The following MEOX2 variants were observed in gnomAD, a reference collection of about 807,000 sequenced individuals.
The protein encoded by MEOX2 is homeobox protein MOX-2.
A neutral mutation model predicts 27.0 loss-of-function variants in MEOX2; 11 were observed. The ratio of observed to expected loss-of-function variants is 0.41; its 90% CI spans 0.26 to 0.68. The LOEUF is 0.68. Among genes scored for constraint, MEOX2 ranks in the 30% least tolerant of loss-of-function variants. The pLI is 0.33. For missense variants in MEOX2, 436 were observed against 385.4 expected (o/e 1.13, Z -1.10); for synonymous variants, 189 against 155.4 (o/e 1.22, Z -1.61).
intron 2 of MEOX2, among the ~76,000 whole-genome samples, chr7:15,618,631 G>C (rs1781163278): frequency 6.6e-6 from 1 of 151,816 alleles, no homozygotes; most frequent in Admixed American, 6.6e-5. Flanking sequence ...TATAAGAAGA[G>C]TAGAATACTG....
intron 1 of MEOX2, among the ~76,000 whole-genome samples, chr7:15,638,195 C>T (rs1781513124): frequency 6.6e-6 from 1 of 152,004 alleles, no homozygotes. Flanking sequence ...AAGCAATCAG[C>T]AAGAGTTGTG....
At chr7:15,631,413 A>T (rs1207408017) in intron 1 of MEOX2, among the ~76,000 whole-genome samples, 1 of 151,912 alleles carries the variant, frequency 6.6e-6, no homozygotes, top group Non-Finnish European at 1.5e-5. Flanking sequence ...ATTATTTTTT[A>T]TTATATTTAT....
intron 1 of MEOX2, among the ~76,000 whole-genome samples, chr7:15,643,552 C>A (rs922273667): frequency 6.6e-6 from 1 of 152,142 alleles, no homozygotes; most frequent in Non-Finnish European, 1.5e-5. Flanking sequence ...CCAGGGGAGT[C>A]TTCCTCCCAT....
chr7:15,657,051 T>C (rs917437), intron 1 of MEOX2, among the ~76,000 whole-genome samples: 122,722 of 152,058 alleles, frequency 0.81, 50,018 homozygotes, highest in African/African-American at 0.91. Context: ...AATGTGAAAT[T>C]TACTATCATT....
chr7:15,659,060 C>T (rs1052728810), intron 1 of MEOX2, among the ~76,000 whole-genome samples: 3 of 152,084 alleles, frequency 2.0e-5, no homozygotes, highest in African/African-American at 7.2e-5. Flanking sequence ...AGTGCAGTGG[C>T]ATGATTATGG....
chr7:15,632,138 C>G (rs1781414758), intron 1 of MEOX2, among the ~76,000 whole-genome samples: 1 of 151,616 alleles, frequency 6.6e-6, no homozygotes, highest in African/African-American at 2.4e-5. Flanking sequence ...ATTTCCTTGG[C>G]ATTGCATTGC....
chr7:15,614,478 A>T (rs1436311161), intron 2 of MEOX2, among the ~76,000 whole-genome samples: 1 of 152,080 alleles, frequency 6.6e-6, no homozygotes. Flanking sequence ...TGATTTTAGT[A>T]TATAGTCTGA....
chr7:15,621,045 A>C (rs1781215841), intron 2 of MEOX2, among the ~76,000 whole-genome samples: 1 of 152,306 alleles, frequency 6.6e-6, no homozygotes, highest in Admixed American at 6.5e-5. Context: ...GTTTTCTCCA[A>C]GTTTATCTGG....
chr7:15,613,282 C>T (rs186026286), intron 2 of MEOX2, among the ~76,000 whole-genome samples: 39 of 151,990 alleles, frequency 2.6e-4, no homozygotes, highest in Admixed American at 2.4e-3. Flanking sequence ...AGATTATATA[C>T]TACATCATTC....
intron 1 of MEOX2, among the ~76,000 whole-genome samples, chr7:15,627,395 G>A (rs552118968): frequency 3.3e-4 from 50 of 152,036 alleles, no homozygotes; most frequent in Non-Finnish European, 5.4e-4. Flanking sequence ...CAGACTGAGC[G>A]TATGTAAAAG....
rs182542603 is a variant in MEOX2 at position 15,682,131 on chromosome 7, G to A, written c.517+3755C>T. On this transcript the variant is annotated intron_variant, in intron 1 of 2. Transcript: ENST00000262041. The stretch of plus-strand genomic sequence containing the variant: ...GTCTACCAGTCCAAGATAAAGAATG[G>A]AAGTTTTTTTTTGTACTCCATTTGA... Among the ~76,000 whole-genome samples the A allele has an allele frequency of 3.4e-3, 519 of 150,956 alleles. 1 individual carries two copies. Among genetic ancestry groups the A allele is most frequent in the African/African-American group, 0.012 (469 of 40,674 alleles).
At chr7:15,642,070 C>T (rs1180209863) in intron 1 of MEOX2, among the ~76,000 whole-genome samples, 1 of 152,050 alleles carries the variant, frequency 6.6e-6, no homozygotes, top group East Asian at 1.9e-4. Flanking sequence ...CATTGGATAG[C>T]CTGAAGACTA....
At chr7:15,664,631 G>A (rs1025851199) in intron 1 of MEOX2, among the ~76,000 whole-genome samples, 19 of 152,070 alleles carry the variant, frequency 1.2e-4, no homozygotes. Context: ...ATACTTCAGG[G>A]CTAATTCATT....
At chr7:15,638,022 T>C (rs773105769) in intron 1 of MEOX2, among the ~76,000 whole-genome samples, 2 of 152,110 alleles carry the variant, frequency 1.3e-5, no homozygotes, top group Non-Finnish European at 2.9e-5. Context: ...AGTTTACATA[T>C]TTCATTTGAA....
chr7:15,675,495 A>T (rs975080715), intron 1 of MEOX2, among the ~76,000 whole-genome samples: 22 of 152,188 alleles, frequency 1.4e-4, no homozygotes, highest in Admixed American at 1.2e-3. Context: ...AGGCTTCAAA[A>T]TATTTTACGA....
intron 1 of MEOX2, among the ~76,000 whole-genome samples, chr7:15,650,786 T>C (rs1781721855): frequency 6.6e-6 from 1 of 151,816 alleles, no homozygotes; most frequent in Non-Finnish European, 1.5e-5. Flanking sequence ...AATGAAAGAG[T>C]TGCTATTAGC....
At chr7:15,630,709 C>T (rs955712909) in intron 1 of MEOX2, among the ~76,000 whole-genome samples, 3 of 151,920 alleles carry the variant, frequency 2.0e-5, no homozygotes, top group Non-Finnish European at 4.4e-5. Context: ...ACTGCACAAA[C>T]CCATAGTTAT....
rs1168791518 is a variant in MEOX2 at position 15,612,541 on chromosome 7, G to A, written c.761C>T (p.Ala254Val). 1.9e-6 allele frequency: 3 copies of A among 1,614,012 alleles called. No individual in the cohort carries two copies. The Admixed American group carries it at 5.0e-5, about 27-fold the overall frequency. Residue 254 changes from alanine to valine, a missense_variant, in exon 3 of 3, where the codon GCT becomes GTT. Physicochemically the swap from Ala to Val is moderately conservative, Grantham distance 64 (BLOSUM62 0). Transcript: ENST00000262041. ...RVKGGQQGAA[A>V]REKELVNVKK... ...CACATTCACCAGTTCCTTTTCCCGA[G>A]CCGCAGCTCCTTGCTGTCCACCCTT...
intron 1 of MEOX2, among the ~76,000 whole-genome samples, chr7:15,652,290 A>G (rs977260977): frequency 3.9e-5 from 6 of 152,098 alleles, no homozygotes; most frequent in African/African-American, 1.4e-4. Flanking sequence ...TAGAAAATGC[A>G]TATGTAATTA....
Sources: allele counts gnomAD v4.1 joint callset (sites outside exome capture counted in the v4.1 genomes callset), GRCh38; gene constraint gnomAD v4.1.1; transcripts MANE v1.5; gene names NCBI Gene and HGNC (gene_info 2026-07-23, HGNC 2026-07-21).